Variants in RPS6KC1 observed in about 807,000 individuals in gnomAD.
RPS6KC1 encodes the protein ribosomal protein S6 kinase C1, also known as inactive ribosomal protein S6 kinase delta-1.
A neutral mutation model predicts 103.8 loss-of-function variants in RPS6KC1; 54 were observed. That is an observed-to-expected ratio of 0.52 (90% confidence interval 0.42 to 0.65). RPS6KC1 has a LOEUF of 0.65. RPS6KC1 is among the 30% of genes least tolerant of loss of function. The pLI is 0.00. For missense variants in RPS6KC1, 1,151 were observed against 1,253.8 expected, an observed-to-expected ratio of 0.92 and a Z score of 1.24; for synonymous variants, 439 against 438.7, an observed-to-expected ratio of 1.00 and a Z score of -0.01.
chr1:213,765,820 A>G, the RPS6KC1 span, among the ~76,000 whole-genome samples: 2 of 152,168 alleles, frequency 1.3e-5, no homozygotes, highest in Non-Finnish European at 2.9e-5. Context: ...CAACTTTTAG[A>G]AACACTATAA....
At chr1:213,613,793 C>T in the RPS6KC1 span, among the ~76,000 whole-genome samples, 1 of 152,120 alleles carries the variant, frequency 6.6e-6, no homozygotes, top group Non-Finnish European at 1.5e-5. Context: ...CAGGAGACTC[C>T]CACCTCAATT....
intron 6 of RPS6KC1, among the ~76,000 whole-genome samples, chr1:213,150,117 T>C (rs1366788244): frequency 6.6e-6 from 1 of 152,150 alleles, no homozygotes; most frequent in Non-Finnish European, 1.5e-5. Flanking sequence ...TATGTCTTGA[T>C]TGTAGTTTAG....
At chr1:213,099,112 G>A (rs1363458270) in intron 3 of RPS6KC1, among the ~76,000 whole-genome samples, 1 of 152,160 alleles carries the variant, frequency 6.6e-6, no homozygotes, top group Non-Finnish European at 1.5e-5. Flanking sequence ...GGATACACAA[G>A]TAGAGAATGG....
At chr1:213,191,300 T>C (rs993364045) in intron 8 of RPS6KC1, among the ~76,000 whole-genome samples, 3 of 152,218 alleles carry the variant, frequency 2.0e-5, no homozygotes, top group African/African-American at 7.2e-5. Context: ...CCTTTTTTTG[T>C]GTGTCTTCAA....
chr1:213,757,223 T>A, the RPS6KC1 span, among the ~76,000 whole-genome samples: 1 of 152,180 alleles, frequency 6.6e-6, no homozygotes, highest in East Asian at 1.9e-4. Flanking sequence ...TAGTTAAGCT[T>A]AGTGAGGAAG....
chr1:213,058,883 A>G (rs1034073514), intron 1 of RPS6KC1, among the ~76,000 whole-genome samples: 8 of 152,230 alleles, frequency 5.3e-5, no homozygotes, highest in Non-Finnish European at 1.2e-4. Context: ...CTTCAAATCT[A>G]TGAACACAGT....
intron 7 of RPS6KC1, among the ~76,000 whole-genome samples, chr1:213,170,880 G>A (rs1481754016): frequency 2.0e-5 from 3 of 152,178 alleles, no homozygotes. Flanking sequence ...CCAACACAAT[G>A]AGAGGATTTG....
chr1:213,802,035 C>T, the RPS6KC1 span, among the ~76,000 whole-genome samples: 6 of 152,126 alleles, frequency 3.9e-5, no homozygotes, highest in East Asian at 1.9e-4. Flanking sequence ...TTTCACTCAT[C>T]GCCATGTCAC....
At chr1:213,531,332 A>G in the RPS6KC1 span, among the ~76,000 whole-genome samples, 2 of 152,150 alleles carry the variant, frequency 1.3e-5, no homozygotes, top group African/African-American at 2.4e-5. Flanking sequence ...TCCTATTTGG[A>G]ATGGAGAAGG....
the RPS6KC1 span, among the ~76,000 whole-genome samples, chr1:213,312,365 A>T: frequency 6.6e-6 from 1 of 152,110 alleles, no homozygotes; most frequent in Non-Finnish European, 1.5e-5. Flanking sequence ...TAATTCTTCG[A>T]TTCTGGGTTA....
the RPS6KC1 span, among the ~76,000 whole-genome samples, chr1:213,306,669 C>T: frequency 6.6e-6 from 1 of 152,160 alleles, no homozygotes; most frequent in Non-Finnish European, 1.5e-5. Context: ...TTACATGCCA[C>T]CTCTACTTGA....
At chr1:213,284,379 G>A in the RPS6KC1 span, among the ~76,000 whole-genome samples, 2 of 152,220 alleles carry the variant, frequency 1.3e-5, no homozygotes, top group African/African-American at 2.4e-5. Flanking sequence ...CGAGCATGGT[G>A]GTGCACACCT....
the RPS6KC1 span, among the ~76,000 whole-genome samples, chr1:213,852,224 A>T: frequency 6.6e-6 from 1 of 152,168 alleles, no homozygotes; most frequent in Non-Finnish European, 1.5e-5. Flanking sequence ...CTTGAGATAC[A>T]GTTTAATCTC....
At chr1:213,859,524 C>CA in the RPS6KC1 span, among the ~76,000 whole-genome samples, 1 of 152,188 alleles carries the variant, frequency 6.6e-6, no homozygotes, top group South Asian at 2.1e-4. Context: ...TCTGCCATTG[C>CA]AGCACAAAAG....
chr1:213,561,747 T>A, the RPS6KC1 span, among the ~76,000 whole-genome samples: 1 of 152,224 alleles, frequency 6.6e-6, no homozygotes, highest in Non-Finnish European at 1.5e-5. Context: ...CCAGCCCCAC[T>A]GAGCAGCTCC....
chr1:213,710,264 A>T, the RPS6KC1 span, among the ~76,000 whole-genome samples: 1 of 152,198 alleles, frequency 6.6e-6, no homozygotes, highest in Non-Finnish European at 1.5e-5. Flanking sequence ...CTTTACCATT[A>T]TGTAATGCCC....
At chr1:213,593,081 A>C in the RPS6KC1 span, among the ~76,000 whole-genome samples, 2 of 151,900 alleles carry the variant, frequency 1.3e-5, no homozygotes, top group Non-Finnish European at 2.9e-5. Flanking sequence ...CAGCAATGGC[A>C]CTGGTGTTGA....
At chr1:213,158,678 A>T (rs978061058) in intron 6 of RPS6KC1, among the ~76,000 whole-genome samples, 1 of 152,124 alleles carries the variant, frequency 6.6e-6, no homozygotes, top group Non-Finnish European at 1.5e-5. Context: ...ATTTTTTTTT[A>T]AACTTTTTTT....
the RPS6KC1 span, among the ~76,000 whole-genome samples, chr1:213,657,325 A>G: frequency 6.6e-6 from 1 of 152,174 alleles, no homozygotes; most frequent in Non-Finnish European, 1.5e-5. Context: ...TAAGATAAAT[A>G]ATGGGGAAAA....
Sources: allele counts gnomAD v4.1 joint callset (sites outside exome capture counted in the v4.1 genomes callset), GRCh38; gene constraint gnomAD v4.1.1; transcripts MANE v1.5; gene names NCBI Gene and HGNC (gene_info 2026-07-23, HGNC 2026-07-21).